Variants in MYO7A observed in about 807,000 individuals in gnomAD.
MYO7A encodes the protein unconventional myosin-VIIa.
In MYO7A, 210 loss-of-function variants were observed where a neutral mutation model predicts 263.8. The observed-to-expected ratio is 0.80, with a 90% CI of 0.71 to 0.89. The LOEUF is 0.89. MYO7A is among the 40% of genes least tolerant of loss of function. MYO7A has a pLI of 0.00. For missense variants in MYO7A, 2,820 were observed against 2,968.3 expected (o/e 0.95, Z 1.16); for synonymous variants, 1,239 against 1,197.3 (o/e 1.03, Z -0.72).
chr11:77,214,102 T>C, intron 48 of MYO7A, 123 bp downstream of exon 48: 16 of 1,366,028 alleles, frequency 1.2e-5, no homozygotes, highest in Admixed American at 7.8e-5. Context: ...GCAAGGGTCA[T>C]GCTGGGGCCA....
At position 77,203,371 on chromosome 11, in the gene MYO7A, G is replaced by C. The variant is rs150499487; in HGVS notation, c.5326+154G>C. 4.0e-4 allele frequency: 182 copies of C among 455,940 alleles called. 6 individuals carry two copies. In the East Asian group the frequency reaches 0.022, roughly 54 times the overall value. The allele number at this position is 455,940 out of a possible 1,614,324, so 28.2% of individuals were successfully genotyped here. On this transcript the variant is annotated intron_variant, in intron 38 of 48. Coordinates refer to ENST00000409709, the MANE Select transcript of MYO7A (RefSeq NM_000260.4). ...TCCCTTGCACCTTTTGATATGCAAGGGGCTGCCTCGCCCACTGTTTTCTCT... is the reference window on the plus strand; with the variant it reads ...TCCCTTGCACCTTTTGATATGCAAGCGGCTGCCTCGCCCACTGTTTTCTCT...
chr11:77,137,115 G>C (rs1287312266), intron 2 of MYO7A, among the ~76,000 whole-genome samples: 2 of 152,218 alleles, frequency 1.3e-5, no homozygotes, highest in African/African-American at 2.4e-5. Flanking sequence ...GGCGGGGAGA[G>C]ATAGGTGTGC....
At position 77,202,350 on chromosome 11, in the gene MYO7A, G is replaced by A. The variant is rs755725376; in HGVS notation, c.5094G>A (p.Leu1698=). Residue 1698 remains leucine, a synonymous_variant, in exon 37 of 49, where the codon TTG becomes TTA. Coordinates refer to ENST00000409709, the MANE Select transcript of MYO7A (RefSeq NM_000260.4). The part of the protein sequence containing the change: ...PDQRQDVVRL[L]QLRTAEPEVR... The stretch of plus-strand genomic sequence containing the variant: ...AGAGGCAGGACGTTGTCCGGCTCTT[G>A]CAGCTGCGAACGGCGGAGCCCGAGG... 1 of 1,576,622 alleles carries A rather than the reference G, an allele frequency of 6.3e-7. No individual in the cohort carries two copies. Among genetic ancestry groups the A allele is most frequent in the East Asian group, 2.3e-5 (1 of 42,950 alleles).
At chr11:77,177,854 G>A (rs1954774961) in intron 19 of MYO7A, among the ~76,000 whole-genome samples, 1 of 152,114 alleles carries the variant, frequency 6.6e-6, no homozygotes, top group Non-Finnish European at 1.5e-5. Context: ...TGCCACGTAA[G>A]CCAAATAATG....
intron 18 of MYO7A, 37 bp downstream of exon 18, chr11:77,175,501 G>C (rs374578970): frequency 1.6e-5 from 26 of 1,591,010 alleles, no homozygotes; most frequent in Admixed American, 3.3e-5. Context: ...GCCCTGGGGG[G>C]GCTGTAAATT....
At chr11:77,203,624 G>A (rs553957313) in intron 38 of MYO7A, among the ~76,000 whole-genome samples, 5 of 152,170 alleles carry the variant, frequency 3.3e-5, no homozygotes, top group African/African-American at 9.7e-5. Context: ...GGCTAAGTAC[G>A]ACTTAGCCAG....
At chr11:77,161,403 A>G (rs1171359457) in intron 12 of MYO7A, among the ~76,000 whole-genome samples, 1 of 152,024 alleles carries the variant, frequency 6.6e-6, no homozygotes, top group Admixed American at 6.6e-5. Flanking sequence ...ATCTGCCCAG[A>G]TCCATGCTGC....
intron 3 of MYO7A, 88 bp from the exon 4 acceptor site, chr11:77,147,710 C>A: frequency 1.3e-6 from 2 of 1,540,298 alleles, no homozygotes; most frequent in Admixed American, 1.9e-5. Context: ...TTGGCACTCA[C>A]CCCGCGCTCC....
chr11:77,207,804 A>T (rs1957551711), intron 42 of MYO7A, among the ~76,000 whole-genome samples: 1 of 152,228 alleles, frequency 6.6e-6, no homozygotes, highest in African/African-American at 2.4e-5. Flanking sequence ...GAGGTTAGGT[A>T]ACTTGTCCAA....
rs1446773840 is a variant in MYO7A at position 77,138,237 on chromosome 11, C to T, written c.19-4472C>T. On this transcript the variant is annotated intron_variant, in intron 2 of 48. Coordinates refer to ENST00000409709, the MANE Select transcript of MYO7A (RefSeq NM_000260.4). This position sits in a 1 kb window ranked among gnomAD's most constrained non-coding sequence, Gnocchi z 4.9. ...CAGCAGATGGCCCGGTTTAGGGTTC[C>T]GGGGCGGGCGGCGCGCACGGGATTA... is the stretch of plus-strand genomic sequence containing the variant. Among the ~76,000 whole-genome samples, 3 of 152,010 alleles carry T rather than the reference C, an allele frequency of 2.0e-5. No individual in the cohort carries two copies. The highest frequency in any genetic ancestry group is 1.3e-4 in the Admixed American group (2 of 15,282).
chr11:77,155,708 C>T (rs558809425), intron 4 of MYO7A, among the ~76,000 whole-genome samples, 199 bp from the exon 5 acceptor site: 25 of 152,340 alleles, frequency 1.6e-4, no homozygotes, highest in African/African-American at 5.1e-4. Flanking sequence ...GCACTAACTC[C>T]GAGCCAGACC....
rs548938643 is a variant in MYO7A, at chr11:77,165,339, C to T, written c.1691-717C>T. ...TTGCCCCACTCTACAACCCCCTCCC[C>T]ATTAACCAGTTTCCAACTCCTCGGT... is the stretch of plus-strand genomic sequence containing the variant. On this transcript the variant is annotated intron_variant, in intron 14 of 48. Coordinates refer to ENST00000409709, the MANE Select transcript of MYO7A (RefSeq NM_000260.4). Among the ~76,000 whole-genome samples, 11 of 152,314 alleles carry T rather than the reference C, an allele frequency of 7.2e-5. No homozygotes were observed. In the South Asian group the frequency reaches 2.1e-3, roughly 29 times the overall value.
chr11:77,174,918 C>T lies in MYO7A; in HGVS notation c.2094+4C>T. The T allele has an allele frequency of 6.2e-7, 1 of 1,613,090 alleles. No individual in the cohort carries two copies. The highest frequency in any genetic ancestry group is 8.5e-7 in the Non-Finnish European group (1 of 1,179,452). On this transcript the variant is annotated splice_donor_region_variant and intron_variant, in intron 17 of 48. Coordinates refer to ENST00000409709, the MANE Select transcript of MYO7A (RefSeq NM_000260.4). ...TGTGAAGCCGGCCTACAAGCAGGTACAGGGCTGAGTGCACAGAGGGCAGGA... is the reference window on the plus strand; with the variant it reads ...TGTGAAGCCGGCCTACAAGCAGGTATAGGGCTGAGTGCACAGAGGGCAGGA...
Position 77,210,596 on chromosome 11 carries a change from C to T in MYO7A, c.6052-556C>T, listed in dbSNP as rs528969346. Reference sequence around the variant, plus strand: ...AATTGTGTATAAGATGACCATAAGGCTCTAGGAGTCTGTGGGCAGCGCCAG... The same window carrying T: ...AATTGTGTATAAGATGACCATAAGGTTCTAGGAGTCTGTGGGCAGCGCCAG... On this transcript the variant is annotated intron_variant, in intron 44 of 48. Transcript: ENST00000409709. 1.3e-5 allele frequency among the ~76,000 whole-genome samples: 2 copies of T among 152,286 alleles called. 1 individual carries two copies. The highest frequency in any genetic ancestry group is 4.1e-4 in the South Asian group (2 of 4,828).
intron 15 of MYO7A, among the ~76,000 whole-genome samples, chr11:77,169,615 C>G (rs1373365513): frequency 6.6e-6 from 1 of 152,168 alleles, no homozygotes; most frequent in Non-Finnish European, 1.5e-5. Flanking sequence ...AGCCTTTCCC[C>G]CCAATGAAAT....
rs781838238 is a variant in MYO7A at position 77,172,814 on chromosome 11, A to T, written c.1864A>T (p.Met622Leu). 1.9e-6 allele frequency: 3 copies of T among 1,554,366 alleles called. No homozygotes were observed. The Admixed American group carries it at 5.8e-5, about 30-fold the overall frequency. The part of the protein sequence containing the change: ...SQFKRSLELL[M>L]RTLGACQPFF... ...GTTCAAGCGGTCACTGGAGCTGCTG[A>T]TGCGCACGCTGGGTGCCTGCCAGCC... Residue 622 changes from methionine to leucine, a missense_variant, in exon 16 of 49, where the codon ATG becomes TTG. Physicochemically the swap from Met to Leu is conservative, Grantham distance 15. Transcript: ENST00000409709.
intron 36 of MYO7A, 141 bp downstream of exon 36, chr11:77,201,779 T>C: frequency 1.0e-6 from 1 of 974,092 alleles, no homozygotes; most frequent in South Asian, 1.7e-5. Flanking sequence ...ACATTTAAAG[T>C]TGGGGCAGTG....
chr11:77,211,295 C>A lies in MYO7A; in HGVS notation c.6195C>A (p.Pro2065=). ...CCAAGCTGCTGCGGGAGCTGGTGCC[C>A]CAGGACCTTATCCGGCAGGTCTCAC... is the stretch of plus-strand genomic sequence containing the variant. ...SIPKLLRELV[P]QDLIRQVSPD... Residue 2065 remains proline, a synonymous_variant, in exon 45 of 49, where the codon CCC becomes CCA. Coordinates refer to ENST00000409709, the MANE Select transcript of MYO7A (RefSeq NM_000260.4). 1 of 1,583,048 alleles carries A rather than the reference C, an allele frequency of 6.3e-7. No individual in the cohort carries two copies. The highest frequency in any genetic ancestry group is 1.8e-5 in the Admixed American group (1 of 55,352).
intron 1 of MYO7A, among the ~76,000 whole-genome samples, chr11:77,129,353 AGGGCTCG>A (rs1950696794): frequency 6.6e-6 from 1 of 152,244 alleles, no homozygotes; most frequent in Admixed American, 6.5e-5. Context: ...GGCAGGGGTC[AGGGCTCG>A]GATGTCGGGC....
Sources: allele counts gnomAD v4.1 joint callset (sites outside exome capture counted in the v4.1 genomes callset), GRCh38; gene constraint gnomAD v4.1.1; non-coding constraint Gnocchi (gnomAD v3.1); transcripts MANE v1.5; gene names NCBI Gene and HGNC (gene_info 2026-07-23, HGNC 2026-07-21).